PBX1: variants seen among roughly 807,000 people sequenced by gnomAD.
PBX1 encodes the protein pre-B-cell leukemia transcription factor 1.
PBX1 carries 6 observed loss-of-function variants against 53.4 expected under a neutral mutation model. That is an observed-to-expected ratio of 0.11 (90% CI 0.06 to 0.22). The LOEUF is 0.22. Among genes scored for constraint, PBX1 ranks in the 10% least tolerant of loss-of-function variants. PBX1 has a pLI of 1.00. For synonymous variants in PBX1, 204 were observed against 212.3 expected, an observed-to-expected ratio of 0.96 and a Z score of 0.34; for missense variants, 251 against 551.4, an observed-to-expected ratio of 0.46 and a Z score of 5.46.
At chr1:164,795,430 T>C (rs1294748522) in intron 3 of PBX1, among the ~76,000 whole-genome samples, 2 of 152,234 alleles carry the variant, frequency 1.3e-5, no homozygotes, top group Non-Finnish European at 2.9e-5. Flanking sequence ...TTCTTGTGGC[T>C]ACCTACCTAT....
chr1:164,698,235 C>T (rs1471756706), intron 2 of PBX1, among the ~76,000 whole-genome samples: 1 of 152,134 alleles, frequency 6.6e-6, no homozygotes, highest in African/African-American at 2.4e-5. Context: ...GAGAGCAAGA[C>T]TCCTACCTCT....
intron 2 of PBX1, among the ~76,000 whole-genome samples, chr1:164,860,529 T>C (rs1026404780): frequency 6.6e-6 from 1 of 152,152 alleles, no homozygotes; most frequent in Admixed American, 6.6e-5. Context: ...CTTTTTGCCT[T>C]TTTACCTTTG....
rs531601265 is a variant in PBX1, at chr1:164,675,522, C to CA, written c.265+112212dup. 9.9e-5 allele frequency among the ~76,000 whole-genome samples: 15 copies of CA among 152,272 alleles called. No individual in the cohort carries two copies. The South Asian group carries it at 3.1e-3, about 32-fold the overall frequency. The stretch of plus-strand genomic sequence containing the variant: ...CTGCCTAGCACCGCCCAGGCCTAGC[C>CA]AGCCAGAGTCAGTGCAGGCTGTGTG... On this transcript the variant is annotated intron_variant, in intron 2 of 8. Coordinates refer to ENST00000420696, the MANE Select transcript of PBX1 (RefSeq NM_002585.4).
intron 2 of PBX1, among the ~76,000 whole-genome samples, chr1:164,756,413 T>C (rs1044280008): frequency 3.2e-4 from 48 of 152,234 alleles, no homozygotes; most frequent in African/African-American, 1.1e-3. Context: ...GAAAAGTTGT[T>C]TTTTTCAGAG....
intron 6 of PBX1, chr1:164,817,671 C>T (rs1233682913): frequency 6.6e-6 from 1 of 152,210 alleles, no homozygotes; most frequent in African/African-American, 2.4e-5. Context: ...ACAGTTTATG[C>T]ACATGTATTT....
intron 2 of PBX1, among the ~76,000 whole-genome samples, chr1:164,716,603 C>T (rs906946713): frequency 6.0e-5 from 9 of 150,228 alleles, no homozygotes; most frequent in Non-Finnish European, 8.9e-5. Flanking sequence ...GCCTGTAATG[C>T]CAACACTTTG....
chr1:164,795,952 C>A (rs902456146), intron 3 of PBX1, among the ~76,000 whole-genome samples: 9 of 150,702 alleles, frequency 6.0e-5, no homozygotes, highest in Non-Finnish European at 1.3e-4. Context: ...AAAAACAAAA[C>A]AAAAAACTAC....
chr1:164,575,555 C>A (rs180992731), intron 2 of PBX1, among the ~76,000 whole-genome samples: 1 of 152,198 alleles, frequency 6.6e-6, no homozygotes, highest in Admixed American at 6.5e-5. Flanking sequence ...GTAAGAGAAT[C>A]CTCCTTATAA....
chr1:164,606,076 G>A (rs1326010943), intron 2 of PBX1, among the ~76,000 whole-genome samples: 1 of 152,206 alleles, frequency 6.6e-6, no homozygotes, highest in African/African-American at 2.4e-5. Flanking sequence ...GCTGTGGGTA[G>A]TGTAAGAGCA....
intron 2 of PBX1, among the ~76,000 whole-genome samples, chr1:164,870,277 CTTTCTTTCTTTCTTTCTT>C (rs1672334435): frequency 1.5e-4 from 3 of 19,384 alleles, no homozygotes; most frequent in African/African-American, 4.6e-4. Context: ...TTCTTTCTTT[CTTTCTTTCTTTCTTTCTT>C]TCTTTCTTTC....
intron 2 of PBX1, among the ~76,000 whole-genome samples, chr1:164,718,359 A>G (rs1664223855): frequency 6.6e-6 from 1 of 152,206 alleles, no homozygotes; most frequent in Non-Finnish European, 1.5e-5. Flanking sequence ...TCTGCCAATT[A>G]AAGCTTCCAG....
chr1:164,599,207 T>G (rs1430536644), intron 2 of PBX1, among the ~76,000 whole-genome samples: 1 of 151,850 alleles, frequency 6.6e-6, no homozygotes, highest in African/African-American at 2.4e-5. Flanking sequence ...GAGACCAGCA[T>G]GAACTCCAGT....
intron 2 of PBX1, among the ~76,000 whole-genome samples, chr1:164,870,363 A>ATTTCTTTCTT (rs1339774729): frequency 3.6e-5 from 2 of 55,790 alleles, no homozygotes; most frequent in Non-Finnish European, 3.8e-5. Context: ...CTTTCTTTCG[A>ATTTCTTTCTT]GATGAAGTCT....
At chr1:164,832,687 G>A (rs182538584) in intron 8 of PBX1, among the ~76,000 whole-genome samples, 70 of 151,894 alleles carry the variant, frequency 4.6e-4, no homozygotes, top group Middle Eastern at 3.4e-3. Context: ...GAATAGCAAG[G>A]AACTAAGAAA....
At chr1:164,649,968 T>C (rs566078527) in intron 2 of PBX1, among the ~76,000 whole-genome samples, 2 of 152,148 alleles carry the variant, frequency 1.3e-5, no homozygotes, top group Non-Finnish European at 2.9e-5. Flanking sequence ...CTTTAAAATA[T>C]GGTCTTTGCT....
intron 5 of PBX1, among the ~76,000 whole-genome samples, chr1:164,811,178 A>G (rs1669591833): frequency 1.3e-5 from 2 of 152,172 alleles, no homozygotes; most frequent in African/African-American, 4.8e-5. Flanking sequence ...GGCAGGAATT[A>G]TGGGGGTAAA....
rs113376435 is a variant in PBX1 at position 164,705,489 on chromosome 1, CTA to C, written c.266-87003_266-87002del. Among the ~76,000 whole-genome samples the C allele has an allele frequency of 2.0e-5, 3 of 152,264 alleles. 1 individual carries two copies. The highest frequency in any genetic ancestry group is 7.2e-5 in the African/African-American group (3 of 41,562). On this transcript the variant is annotated intron_variant, in intron 2 of 8. Coordinates refer to ENST00000420696, the MANE Select transcript of PBX1 (RefSeq NM_002585.4). ...CATATAAATTTTGGGGATCATATCACTATGTGGAAGGAGATGCCTTGCTTGCT... is the reference window on the plus strand; with the variant it reads ...CATATAAATTTTGGGGATCATATCACTGTGGAAGGAGATGCCTTGCTTGCT...
intron 2 of PBX1, among the ~76,000 whole-genome samples, chr1:164,738,517 C>CCAGA (rs1490115531): frequency 1.3e-5 from 2 of 152,110 alleles, no homozygotes; most frequent in African/African-American, 4.8e-5. Flanking sequence ...GTCTCAAACC[C>CCAGA]CAGACCTCAT....
intron 2 of PBX1, among the ~76,000 whole-genome samples, chr1:164,688,545 T>A (rs1204099133): frequency 1.3e-5 from 2 of 152,216 alleles, no homozygotes; most frequent in Admixed American, 1.3e-4. Flanking sequence ...ATGGAAAGTC[T>A]GCCACATACA....
Sources: gnomAD v4.1 joint callset for allele counts (sites outside exome capture counted in the v4.1 genomes callset) on GRCh38, gnomAD v4.1.1 for gene constraint, MANE v1.5 for transcripts, NCBI Gene and HGNC (gene_info 2026-07-23, HGNC 2026-07-21) for gene names.